The following NLRP2 variants were observed in gnomAD, a reference collection of about 807,000 sequenced individuals.
The protein encoded by NLRP2 is NACHT, LRR and PYD domains-containing protein 2.
A neutral mutation model predicts 97.2 loss-of-function variants in NLRP2; 107 were observed. The ratio of observed to expected loss-of-function variants is 1.10; its 90% CI spans 0.94 to 1.29. The LOEUF is 1.29. NLRP2 is among the 50% of genes most tolerant of loss of function. NLRP2 has a pLI of 0.00. For missense variants in NLRP2, 1,495 were observed against 1,330.3 expected, an observed-to-expected ratio of 1.12 and a Z score of -1.93; for synonymous variants, 663 against 551.5, an observed-to-expected ratio of 1.20 and a Z score of -2.83.
chr19:54,981,616 G>A lies in NLRP2; in HGVS notation c.398-1G>A, dbSNP rs765185891. The A allele has an allele frequency of 4.1e-6, 6 of 1,451,124 alleles. No homozygotes were observed. The South Asian group carries it at 5.6e-5, about 14-fold the overall frequency. The allele number at this position is 1,451,124 out of a possible 1,614,324, so 89.9% of individuals were successfully genotyped here. On this transcript the variant is annotated splice_acceptor_variant, in intron 4 of 12. Coordinates refer to ENST00000448584, the MANE Select transcript of NLRP2 (RefSeq NM_017852.5). LOFTEE classifies it high-confidence loss of function. ...ATCTCACATGAGTTTGTATTTTGTA[G>A]CGTTTACAGAAACGAAAGGAAATGT...
chr19:54,983,595 A>G lies in NLRP2; in HGVS notation c.1897A>G (p.Asn633Asp), dbSNP rs745528418. 95 of 1,614,014 alleles carry G rather than the reference A, an allele frequency of 5.9e-5. No homozygotes were observed. The highest frequency in any genetic ancestry group is 7.7e-5 in the Non-Finnish European group (91 of 1,180,028). ...AQFKEISLHL[N>D]AVDVVPSSFC... is the part of the protein sequence containing the mutation. Reference sequence around the variant, plus strand: ...GTTCAAAGAAATATCCCTGCACTTAAATGCAGTAGACGTTGTGCCATCTTC... The same window carrying G: ...GTTCAAAGAAATATCCCTGCACTTAGATGCAGTAGACGTTGTGCCATCTTC... Residue 633 changes from asparagine (N) to aspartate (D), a missense_variant, in exon 6 of 13, where the codon AAT (asparagine) becomes GAT (aspartate). Asn to Asp is a conservative substitution (Grantham distance 23). Coordinates refer to ENST00000448584, the MANE Select transcript of NLRP2 (RefSeq NM_017852.5).
In NLRP2 at chr19:54,986,550, T is replaced by C. The variant is rs568001832; in HGVS notation, c.2366+235T>C. 8.1e-5 allele frequency: 45 copies of C among 557,280 alleles called. No individual in the cohort carries two copies. The African/African-American group carries it at 8.3e-4, about 10-fold the overall frequency. 34.5% of individuals were successfully genotyped at this position (557,280 alleles called of 1,614,324 possible). ...AATCCAAAGAAACTCCCAGAATCTT[T>C]ATCATCTTTTTTTTTTTTTTTATGA... On this transcript the variant is annotated intron_variant, in intron 8 of 12. Transcript: ENST00000448584.
intron 7 of NLRP2, 104 bp downstream of exon 7, chr19:54,985,321 T>C (rs2146462533): frequency 9.2e-7 from 1 of 1,086,994 alleles, no homozygotes; most frequent in East Asian, 2.4e-5. Flanking sequence ...TCTTAAGTGC[T>C]CGAGACACAG....
At chr19:55,000,350 C>A (rs2073112574) in intron 12 of NLRP2, among the ~76,000 whole-genome samples, 1 of 133,232 alleles carries the variant, frequency 7.5e-6, no homozygotes, top group Non-Finnish European at 1.5e-5. Flanking sequence ...GATCTCGGCT[C>A]ACTGCAAGCT....
intron 6 of NLRP2, among the ~76,000 whole-genome samples, chr19:54,984,422 G>A (rs192516753): frequency 5.0e-4 from 68 of 134,702 alleles, no homozygotes; most frequent in African/African-American, 1.7e-3. Context: ...TTACAGGCAT[G>A]AGTTACCACA....
chr19:54,969,662 T>TA (rs2070718231), intron 1 of NLRP2, among the ~76,000 whole-genome samples: 1 of 151,968 alleles, frequency 6.6e-6, no homozygotes, highest in Admixed American at 6.6e-5. Context: ...CAAAAATAAG[T>TA]AAATAAAAGT....
At chr19:54,970,813 TTTATTA>T (rs201783446) in intron 2 of NLRP2, among the ~76,000 whole-genome samples, 75 of 144,708 alleles carry the variant, frequency 5.2e-4, no homozygotes, top group Non-Finnish European at 8.5e-4. Context: ...TATTTTTTAT[TTTATTA>T]TTATTATTTT....
Position 54,994,255 on chromosome 19 carries a change from TG to T in NLRP2, c.2709-12del. The T allele has an allele frequency of 6.2e-7, 1 of 1,614,046 alleles. No individual in the cohort carries two copies. The highest frequency in any genetic ancestry group is 1.1e-5 in the South Asian group (1 of 91,078). Reference sequence around the variant, plus strand: ...CAGGTTCGGGTTTGCTTTCTTCCTGTGGTTGATTTCTAGGCTTTGGAACTGC... The same window carrying T: ...CAGGTTCGGGTTTGCTTTCTTCCTGTGTTGATTTCTAGGCTTTGGAACTGC... On this transcript the variant is annotated splice_polypyrimidine_tract_variant and intron_variant, in intron 10 of 12. Coordinates refer to ENST00000448584, the MANE Select transcript of NLRP2 (RefSeq NM_017852.5).
At chr19:54,987,954 G>C (rs1298739707) in intron 8 of NLRP2, among the ~76,000 whole-genome samples, 1 of 152,110 alleles carries the variant, frequency 6.6e-6, no homozygotes, top group Non-Finnish European at 1.5e-5. Context: ...TGATGCAAGA[G>C]AATTGCTTGA....
rs945748712 is a variant in NLRP2, at chr19:54,977,683, A to G, written c.326-69A>G. 1.3e-5 allele frequency: 19 copies of G among 1,489,558 alleles called. No individual in the cohort carries two copies. In the African/African-American group the frequency reaches 2.3e-4, roughly 18 times the overall value. 92.3% of individuals were successfully genotyped at this position (1,489,558 alleles called of 1,614,324 possible). ...CTTCACTACTGAGACTCAGGGGTCCAACTTGAGCCATCTTGGAGTCCCACT... is the reference window on the plus strand; with the variant it reads ...CTTCACTACTGAGACTCAGGGGTCCGACTTGAGCCATCTTGGAGTCCCACT... On this transcript the variant is annotated intron_variant, in intron 3 of 12. Transcript: ENST00000448584.
chr19:54,996,311 G>T (rs78769283), intron 11 of NLRP2, among the ~76,000 whole-genome samples: 107 of 152,088 alleles, frequency 7.0e-4, no homozygotes, highest in African/African-American at 2.4e-3. Context: ...AGACCAGCCT[G>T]TCTCTACTAA....
chr19:54,967,422 C>T (rs1239814892), intron 1 of NLRP2, among the ~76,000 whole-genome samples: 9 of 152,026 alleles, frequency 5.9e-5, no homozygotes, highest in Admixed American at 2.0e-4. Flanking sequence ...GCGGAGGTTG[C>T]GGGGAGCCTA....
chr19:54,976,108 G>A (rs553795937), intron 3 of NLRP2, among the ~76,000 whole-genome samples: 3 of 151,966 alleles, frequency 2.0e-5, no homozygotes, highest in Non-Finnish European at 2.9e-5. Context: ...GAATGCAGTG[G>A]CATGATCTCA....
chr19:54,979,207 A>G (rs1602342690), intron 4 of NLRP2, among the ~76,000 whole-genome samples: 2 of 151,612 alleles, frequency 1.3e-5, no homozygotes, highest in East Asian at 3.9e-4. Context: ...TTGGTCTAGA[A>G]CTCCTGACCT....
rs558518586 is a variant in NLRP2 at position 54,975,106 on chromosome 19, GTTTTTTTTTTT to G, written c.325+589_325+599del. On this transcript the variant is annotated intron_variant, in intron 3 of 12. Transcript: ENST00000448584. ...ATGAGCCACCACCACACCCGGTTTT[GTTTTTTTTTTT>G]TTTTTTTTTTTTTTTTTTTTTTTTT... is the stretch of plus-strand genomic sequence containing the variant. Among the ~76,000 whole-genome samples, 331 of 58,682 alleles carry G rather than the reference GTTTTTTTTTTT, an allele frequency of 5.6e-3. 12 individuals carry two copies. Among genetic ancestry groups the G allele is most frequent in the East Asian group, 0.013 (27 of 2,010 alleles). The allele number at this position is 58,682 out of a possible 152,430, so 38.5% of individuals were successfully genotyped here. A position where few individuals can be genotyped will look rare whatever the true frequency, so the allele number is the denominator to read the frequency against.
rs61731654 is a variant in NLRP2, at chr19:54,983,702, G to T, written c.2004G>T (p.Ala668=). 348 of 1,612,600 alleles carry T rather than the reference G, an allele frequency of 2.2e-4. 1 individual carries two copies. The highest frequency in any genetic ancestry group is 4.0e-5 in the Non-Finnish European group (47 of 1,179,972). ...IKENLPENVT[A]SESDAEVERS... Reference sequence around the variant, plus strand: ...AGAATCTCCCGGAGAATGTCACTGCGTCTGAATCAGACGCCGAGGTTGAGA... The same window carrying T: ...AGAATCTCCCGGAGAATGTCACTGCTTCTGAATCAGACGCCGAGGTTGAGA... The change falls in exon 6 of 13, where the codon GCG becomes GCT. Residue 668 remains alanine (A), a synonymous_variant. Coordinates refer to ENST00000448584, the MANE Select transcript of NLRP2 (RefSeq NM_017852.5).
chr19:54,977,853 C>T, intron 4 of NLRP2, 30 bp downstream of exon 4: 1 of 1,603,764 alleles, frequency 6.2e-7, no homozygotes. Context: ...ATGTTGGAGT[C>T]AGCTGAGGAA....
Position 54,986,135 on chromosome 19 carries a change from G to C in NLRP2, c.2202-16G>C, listed in dbSNP as rs139137616. The C allele has an allele frequency of 4.9e-3, 7,773 of 1,599,604 alleles. 28 individuals carry two copies. Among genetic ancestry groups the C allele is most frequent in the Non-Finnish European group, 5.9e-3 (6,888 of 1,167,188 alleles). ...TGTACACACTAAAGATTTCACTTTC[G>C]TTCTCTTTTCCCTAGGTTCAAAAAC... is the stretch of plus-strand genomic sequence containing the variant. On this transcript the variant is annotated splice_polypyrimidine_tract_variant and intron_variant, in intron 7 of 12. Transcript: ENST00000448584.
At chr19:54,989,388 C>A (rs1400612951) in intron 8 of NLRP2, among the ~76,000 whole-genome samples, 5 of 152,094 alleles carry the variant, frequency 3.3e-5, no homozygotes, top group Non-Finnish European at 7.4e-5. Flanking sequence ...GGGAGAATCT[C>A]TTGAATCTGG....
Sources: allele counts gnomAD v4.1 joint callset (sites outside exome capture counted in the v4.1 genomes callset), GRCh38; gene constraint gnomAD v4.1.1; transcripts MANE v1.5; gene names NCBI Gene and HGNC (gene_info 2026-07-23, HGNC 2026-07-21).